The following MAN1C1 variants were observed in gnomAD, a reference collection of about 807,000 sequenced individuals.
MAN1C1 encodes mannosidase alpha class 1C member 1.
MAN1C1 carries 49 observed loss-of-function variants against 71.5 expected under a neutral mutation model. The ratio of observed to expected loss-of-function variants is 0.69; its 90% CI spans 0.54 to 0.87. The LOEUF (loss-of-function observed/expected upper bound fraction) is 0.87. MAN1C1 is among the 40% of genes least tolerant of loss of function. The pLI, the probability that MAN1C1 is intolerant of heterozygous loss-of-function variation, is 0.00. For missense variants in MAN1C1, 743 were observed against 835.0 expected, an observed-to-expected ratio of 0.89 and a Z score of 1.36; for synonymous variants, 352 against 343.7, an observed-to-expected ratio of 1.02 and a Z score of -0.27.
chr1:25,641,178 G>A (rs1025712011), intron 1 of MAN1C1, among the ~76,000 whole-genome samples: 1 of 152,202 alleles, frequency 6.6e-6, no homozygotes, highest in Non-Finnish European at 1.5e-5. Context: ...TTCCCAGTGC[G>A]CGGGGTATTC....
rs181682235 is a variant in MAN1C1, at chr1:25,671,500, G to A, written c.541-14940G>A. On this transcript the variant is annotated intron_variant, in intron 1 of 11. Transcript: ENST00000374332. ...CAGACATGAAATAAATGATTATCCC[G>A]TAGAGGTGTTAGGTATTGTCACTGA... Among the ~76,000 whole-genome samples, 286 of 152,320 alleles carry A rather than the reference G, an allele frequency of 1.9e-3. 2 individuals are homozygous for A. Among genetic ancestry groups the A allele is most frequent in the Non-Finnish European group, 3.4e-3 (234 of 68,040 alleles).
Position 25,631,134 on chromosome 1 carries a change from T to A in MAN1C1, c.540+12797T>A, listed in dbSNP as rs1222152408. Among the ~76,000 whole-genome samples, 5 of 152,184 alleles carry A rather than the reference T, an allele frequency of 3.3e-5. No individual in the cohort carries two copies. The East Asian group carries it at 9.6e-4, about 29-fold the overall frequency. On this transcript the variant is annotated intron_variant, in intron 1 of 11. Transcript: ENST00000374332. The surrounding 1 kb of genome is among the most constrained non-coding windows in gnomAD (Gnocchi z 4.2). ...CATGTACCACCACGCCTGGTTAATT[T>A]TTTTTGTATTTTTAGAAGAGACGGG...
intron 8 of MAN1C1, 109 bp from the exon 9 acceptor site, chr1:25,777,996 A>C: frequency 2.5e-6 from 2 of 814,852 alleles, no homozygotes; most frequent in Non-Finnish European, 3.8e-6. Flanking sequence ...AGGGCTTGGC[A>C]GAGCTGCCCT....
intron 6 of MAN1C1, among the ~76,000 whole-genome samples, chr1:25,763,173 CG>C (rs2047382700): frequency 6.6e-6 from 1 of 152,056 alleles, no homozygotes; most frequent in Non-Finnish European, 1.5e-5. Flanking sequence ...GAGGCTGAGA[CG>C]GGAGAACCAC....
intron 1 of MAN1C1, among the ~76,000 whole-genome samples, chr1:25,661,967 G>T (rs2045856365): frequency 6.6e-6 from 1 of 152,154 alleles, no homozygotes; most frequent in Non-Finnish European, 1.5e-5. Context: ...TAACTTGGGG[G>T]CAATTTATAA....
At chr1:25,701,438 G>A (rs548239011) in intron 2 of MAN1C1, among the ~76,000 whole-genome samples, 1 of 152,332 alleles carries the variant, frequency 6.6e-6, no homozygotes, top group Admixed American at 6.5e-5. Context: ...AACTGAGGCT[G>A]AAAGGGAGGT....
At chr1:25,724,536 G>A (rs1030163195) in intron 2 of MAN1C1, among the ~76,000 whole-genome samples, 1 of 151,604 alleles carries the variant, frequency 6.6e-6, no homozygotes, top group Non-Finnish European at 1.5e-5. Flanking sequence ...TCAAGCCTCT[G>A]CGTGTGTCAC....
intron 4 of MAN1C1, among the ~76,000 whole-genome samples, chr1:25,751,022 C>T (rs1440511525): frequency 6.6e-6 from 1 of 152,042 alleles, no homozygotes; most frequent in African/African-American, 2.4e-5. Flanking sequence ...GTCCTTCCAT[C>T]CATCTTTCCT....
At chr1:25,681,177 G>C (rs1430352480) in intron 1 of MAN1C1, among the ~76,000 whole-genome samples, 1 of 150,000 alleles carries the variant, frequency 6.7e-6, no homozygotes, top group Non-Finnish European at 1.5e-5. Flanking sequence ...GGTGAACTGA[G>C]ATCGCACCAT....
In MAN1C1 at chr1:25,782,498, TC is replaced by T; in HGVS notation, c.1651-85del. ...GGGGTGCTGTCTGCTTTCTTCTAGC[TC>T]CAGCCTGCCAGGCATGCACAAGTCT... On this transcript the variant is annotated intron_variant, in intron 10 of 11. Coordinates refer to ENST00000374332, the MANE Select transcript of MAN1C1 (RefSeq NM_020379.4). This position sits in a 1 kb window ranked among gnomAD's most constrained non-coding sequence, Gnocchi z 4.4. The T allele has an allele frequency of 1.2e-6, 1 of 852,376 alleles. No homozygotes were observed. The highest frequency in any genetic ancestry group is 2.0e-6 in the Non-Finnish European group (1 of 511,332). The allele number at this position is 852,376 out of a possible 1,614,324, so 52.8% of individuals were successfully genotyped here. A position where few individuals can be genotyped will look rare whatever the true frequency, so the allele number is the denominator to read the frequency against.
chr1:25,697,358 G>A (rs2046382990), intron 2 of MAN1C1, among the ~76,000 whole-genome samples: 1 of 152,200 alleles, frequency 6.6e-6, no homozygotes, highest in African/African-American at 2.4e-5. Flanking sequence ...ATTGTAGCAT[G>A]TATTATCAGT....
intron 2 of MAN1C1, among the ~76,000 whole-genome samples, chr1:25,733,431 G>T (rs1457296307): frequency 6.6e-6 from 1 of 151,990 alleles, no homozygotes; most frequent in African/African-American, 2.4e-5. Flanking sequence ...CTTTATCTTG[G>T]GATTTTCAAT....
chr1:25,621,137 G>A (rs2045201667), intron 1 of MAN1C1, among the ~76,000 whole-genome samples: 1 of 152,200 alleles, frequency 6.6e-6, no homozygotes, highest in Non-Finnish European at 1.5e-5. Flanking sequence ...TCTGGCCCTG[G>A]CCCCTAAGTG....
intron 2 of MAN1C1, among the ~76,000 whole-genome samples, chr1:25,717,969 T>C (rs1385232699): frequency 6.6e-6 from 1 of 151,818 alleles, no homozygotes. Context: ...TTCTAGTAGA[T>C]GTGTGTTGAT....
intron 1 of MAN1C1, among the ~76,000 whole-genome samples, chr1:25,619,307 C>T (rs2045168719): frequency 6.6e-6 from 1 of 152,170 alleles, no homozygotes; most frequent in African/African-American, 2.4e-5. Flanking sequence ...CGAGAGGATG[C>T]TCTCCCCTCC....
intron 1 of MAN1C1, among the ~76,000 whole-genome samples, chr1:25,626,031 G>A (rs143232943): frequency 3.3e-5 from 5 of 152,274 alleles, no homozygotes; most frequent in Non-Finnish European, 7.4e-5. Context: ...TCTGGCTATT[G>A]TGAATAAAGC....
At position 25,616,886 on chromosome 1, in the gene MAN1C1, G is replaced by T. The variant is rs2045104376; in HGVS notation, c.-912G>T. On this transcript the variant is annotated 5_prime_UTR_variant, in exon 1 of 12. Transcript: ENST00000374332. This position sits in a 1 kb window ranked among gnomAD's most constrained non-coding sequence, Gnocchi z 5.6. ...GGGCGCAGGCTCGGCGGCAGCGGCC[G>T]GTCTGGAGCGGCCGCTGCGAGGAAG... Among the ~76,000 whole-genome samples, 1 of 148,274 alleles carries T rather than the reference G, an allele frequency of 6.7e-6. No homozygotes were observed.
At chr1:25,771,209 C>G (rs2047546222) in intron 7 of MAN1C1, among the ~76,000 whole-genome samples, 1 of 152,196 alleles carries the variant, frequency 6.6e-6, no homozygotes, top group Non-Finnish European at 1.5e-5. Flanking sequence ...AGGGCTTGGC[C>G]AGCTAAATTA....
At chr1:25,773,850 G>C (rs1412447411) in intron 8 of MAN1C1, among the ~76,000 whole-genome samples, 2 of 152,164 alleles carry the variant, frequency 1.3e-5, no homozygotes, top group Non-Finnish European at 1.5e-5. Context: ...CTGGGCCTCT[G>C]GCAAGTTTGG....
Sources: allele counts gnomAD v4.1 joint callset (sites outside exome capture counted in the v4.1 genomes callset), GRCh38; gene constraint gnomAD v4.1.1; non-coding constraint Gnocchi (gnomAD v3.1); transcripts MANE v1.5; gene names NCBI Gene and HGNC (gene_info 2026-07-23, HGNC 2026-07-21).